Variants in MAPRE3 observed in about 807,000 individuals in gnomAD.
MAPRE3 encodes the protein microtubule-associated protein RP/EB family member 3.
In MAPRE3, 2 loss-of-function variants were observed where a neutral mutation model predicts 30.5. The observed-to-expected ratio is 0.07, with a 90% CI of 0.03 to 0.21. The LOEUF is 0.21. Among genes scored for constraint, MAPRE3 ranks in the 10% least tolerant of loss-of-function variants. The pLI, the probability that MAPRE3 is intolerant of heterozygous loss-of-function variation, is 1.00. For synonymous variants in MAPRE3, 110 were observed against 127.7 expected (o/e 0.86, Z 0.93); for missense variants, 204 against 351.8 (o/e 0.58, Z 3.36).
rs142802725 is a variant in MAPRE3 at position 27,018,357 on chromosome 2, G to A, written c.-7-3855G>A. ...GTTCCCGGAATAGCTGGTGCCCTCT[G>A]CACCAGCTCCTGGCCGTCCTCTGCA... On this transcript the variant is annotated intron_variant, in intron 1 of 6. Transcript: ENST00000233121. Among the ~76,000 whole-genome samples, 1,066 of 152,250 alleles carry A rather than the reference G, an allele frequency of 7.0e-3. 11 individuals are homozygous for A. Among genetic ancestry groups the A allele is most frequent in the Non-Finnish European group, 0.013 (851 of 68,004 alleles).
intron 1 of MAPRE3, among the ~76,000 whole-genome samples, chr2:26,991,487 T>G (rs139158239): frequency 6.6e-6 from 1 of 152,284 alleles, no homozygotes; most frequent in Non-Finnish European, 1.5e-5. Context: ...TTGGTGACAA[T>G]TGGCTACAAA....
intron 1 of MAPRE3, among the ~76,000 whole-genome samples, chr2:27,000,323 G>A (rs989912923): frequency 1.3e-5 from 2 of 152,214 alleles, no homozygotes; most frequent in African/African-American, 4.8e-5. Context: ...GCGGAGCAAA[G>A]GAGAGAGACC....
intron 1 of MAPRE3, among the ~76,000 whole-genome samples, chr2:27,003,587 C>T (rs1666653574): frequency 6.6e-6 from 1 of 152,160 alleles, no homozygotes; most frequent in Non-Finnish European, 1.5e-5. Context: ...AGGGAAACTA[C>T]AATTTATGAA....
At chr2:27,008,841 G>C (rs140584902) in intron 1 of MAPRE3, among the ~76,000 whole-genome samples, 1 of 152,178 alleles carries the variant, frequency 6.6e-6, no homozygotes, top group East Asian at 1.9e-4. Context: ...ACATCCATAC[G>C]TGTGCCATTG....
chr2:27,017,930 C>G (rs1484748207), intron 1 of MAPRE3, among the ~76,000 whole-genome samples: 3 of 152,134 alleles, frequency 2.0e-5, no homozygotes, highest in African/African-American at 7.2e-5. Flanking sequence ...GTGGACTCTC[C>G]TAGTAAAGAA....
In MAPRE3 at chr2:27,025,981, T is replaced by C. The variant is rs1572777281; in HGVS notation, c.726T>C (p.Ser242=). The change falls in exon 6 of 7, where the codon AGT becomes AGC. Residue 242 remains serine, a synonymous_variant. Coordinates refer to ENST00000233121, the MANE Select transcript of MAPRE3 (RefSeq NM_012326.4). ...DIELICQEHE[S]ENSPVISGII... is the part of the protein sequence containing the mutation. ...AGCTCATCTGCCAGGAGCATGAAAG[T>C]GAAAACAGCCCTGTTATCTCAGGCA... 6.2e-7 allele frequency: 1 copy of C among 1,614,212 alleles called. No individual in the cohort carries two copies. Among genetic ancestry groups the C allele is most frequent in the Non-Finnish European group, 8.5e-7 (1 of 1,180,036 alleles).
At chr2:26,991,757 G>A (rs545094155) in intron 1 of MAPRE3, among the ~76,000 whole-genome samples, 3 of 152,156 alleles carry the variant, frequency 2.0e-5, no homozygotes, top group Non-Finnish European at 2.9e-5. Context: ...GTCTAGGCAC[G>A]CATCCTGTCT....
intron 1 of MAPRE3, chr2:27,002,276 C>A (rs11126806): frequency 0.34 from 52,343 of 152,010 alleles, 9,707 homozygotes; most frequent in Admixed American, 0.49. Context: ...CATTGTTGGA[C>A]ATTTCGGTGG....
intron 1 of MAPRE3, among the ~76,000 whole-genome samples, chr2:26,982,371 G>A (rs896385380): frequency 6.6e-6 from 1 of 152,258 alleles, no homozygotes; most frequent in Non-Finnish European, 1.5e-5. Flanking sequence ...GTCAGGTGCA[G>A]GAGTCAACCT....
chr2:26,975,370 A>T (rs1467778116), intron 1 of MAPRE3, among the ~76,000 whole-genome samples: 1 of 152,204 alleles, frequency 6.6e-6, no homozygotes, highest in East Asian at 1.9e-4. Flanking sequence ...CTTAAGAGGG[A>T]AACCTTGCCA....
chr2:27,009,083 A>G (rs13013249), intron 1 of MAPRE3, among the ~76,000 whole-genome samples: 145,717 of 152,168 alleles, frequency 0.96, 70,076 homozygotes, highest in East Asian at 1. Context: ...GGTAGCATGA[A>G]GGAGTTTCTT....
intron 1 of MAPRE3, among the ~76,000 whole-genome samples, chr2:26,998,175 A>G (rs546481658): frequency 7.9e-5 from 12 of 152,326 alleles, no homozygotes; most frequent in African/African-American, 2.9e-4. Context: ...AATAAGTGTA[A>G]TCCCTATTCT....
At chr2:27,008,721 A>G (rs1009136992) in intron 1 of MAPRE3, among the ~76,000 whole-genome samples, 3 of 152,202 alleles carry the variant, frequency 2.0e-5, no homozygotes, top group Non-Finnish European at 4.4e-5. Context: ...CCAGACTTCC[A>G]TGGACAAAGC....
At chr2:27,014,969 C>T (rs1422903143) in intron 1 of MAPRE3, 2 of 152,318 alleles carry the variant, frequency 1.3e-5, no homozygotes, top group Non-Finnish European at 2.9e-5. Context: ...AGCATCTGTT[C>T]CAGTTGTCTT....
At chr2:27,024,433 G>C in intron 4 of MAPRE3, 136 bp downstream of exon 4, 1 of 763,032 alleles carries the variant, frequency 1.3e-6, no homozygotes, top group Non-Finnish European at 2.1e-6. Context: ...GGATGACGCC[G>C]CCTGCTGGCC....
At position 27,026,351 on chromosome 2, in the gene MAPRE3, G is replaced by C; in HGVS notation, c.*3G>C. The C allele has an allele frequency of 6.2e-7, 1 of 1,612,812 alleles. No individual in the cohort carries two copies. The highest frequency in any genetic ancestry group is 8.5e-7 in the Non-Finnish European group (1 of 1,179,296). On this transcript the variant is annotated 3_prime_UTR_variant, in exon 7 of 7. Coordinates refer to ENST00000233121, the MANE Select transcript of MAPRE3 (RefSeq NM_012326.4). ...AAGAAGACCAGGACGAGTACTGAGG[G>C]CGGCCGCAGCCCTGGCTGACTGCAC...
chr2:26,972,427 C>T (rs577116471), intron 1 of MAPRE3, among the ~76,000 whole-genome samples: 1 of 152,360 alleles, frequency 6.6e-6, no homozygotes, highest in East Asian at 1.9e-4. Context: ...CGGCTGTCGC[C>T]CTAGTTTTAA....
Position 27,026,398 on chromosome 2 carries a change from C to G in MAPRE3, c.*50C>G, listed in dbSNP as rs763506265. ...GCACAGCTTCCCCGTGCCTCCCTCC[C>G]TGCTCCACTCCCACATTATAGTCCT... On this transcript the variant is annotated 3_prime_UTR_variant, in exon 7 of 7. Transcript: ENST00000233121. The G allele has an allele frequency of 2.1e-6, 3 of 1,445,918 alleles. No individual in the cohort carries two copies. In the African/African-American group the frequency reaches 4.2e-5, roughly 20 times the overall value. 89.6% of individuals were successfully genotyped at this position (1,445,918 alleles called of 1,614,324 possible).
chr2:26,978,329 T>C (rs1263441824), intron 1 of MAPRE3, among the ~76,000 whole-genome samples: 1 of 152,194 alleles, frequency 6.6e-6, no homozygotes, highest in East Asian at 1.9e-4. Flanking sequence ...ATTAGATACC[T>C]TTCCCATGTG....
Sources: gnomAD v4.1 joint callset for allele counts (sites outside exome capture counted in the v4.1 genomes callset) on GRCh38, gnomAD v4.1.1 for gene constraint, MANE v1.5 for transcripts, NCBI Gene and HGNC (gene_info 2026-07-23, HGNC 2026-07-21) for gene names.